The following IRF1 variants were observed in gnomAD, a reference collection of about 807,000 sequenced individuals.
The protein encoded by IRF1 is interferon regulatory factor-1.
In IRF1, 13 loss-of-function variants were observed where a neutral mutation model predicts 43.7. The ratio of observed to expected loss-of-function variants is 0.30; its 90% confidence interval spans 0.19 to 0.47. IRF1 has a LOEUF of 0.47. IRF1 is among the 20% of genes least tolerant of loss of function. The pLI, the probability that IRF1 is intolerant of heterozygous loss-of-function variation, is 0.99. For missense variants in IRF1, 236 were observed against 408.9 expected (o/e 0.58, Z 3.65); for synonymous variants, 138 against 146.8 (o/e 0.94, Z 0.43).
Position 132,487,951 on chromosome 5 carries a change from C to T in IRF1, c.162G>A (p.Leu54=). The change falls in exon 3 of 10, where the codon TTG becomes TTA. Residue 54 remains leucine, a synonymous_variant. Transcript: ENST00000245414. ...CTGTGTGAATGGCCCAGCTCCGGAA[C>T]AAACAGGCATCCTTGTTGATGTCCC... ...HGWDINKDAC[L]FRSWAIHTGR... 1 of 1,613,608 alleles carries T rather than the reference C, an allele frequency of 6.2e-7. No homozygotes were observed.
rs1580935223 is a variant in IRF1 at position 132,482,670 on chromosome 5, T to C, written c.*1281A>G. On this transcript the variant is annotated 3_prime_UTR_variant, in exon 10 of 10. Transcript: ENST00000245414. Reference sequence around the variant, plus strand: ...TGCCCGGCCAAATGAAAGGTTTTTTTTTTTTTTTTTTTTTTTGGTGCCCGG... The same window carrying C: ...TGCCCGGCCAAATGAAAGGTTTTTTCTTTTTTTTTTTTTTTTGGTGCCCGG... 6.9e-6 allele frequency: 1 copy of C among 145,882 alleles called. No individual in the cohort carries two copies. Among genetic ancestry groups the C allele is most frequent in the Admixed American group, 6.9e-5 (1 of 14,598 alleles). The allele number at this position is 145,882 out of a possible 1,614,324, so 9.0% of individuals were successfully genotyped here. A position where few individuals can be genotyped will look rare whatever the true frequency, so the allele number is the denominator to read the frequency against.
rs1441186993 is a variant in IRF1, at chr5:132,486,008, C to A, written c.667+243G>T. On this transcript the variant is annotated intron_variant, in intron 7 of 9. Coordinates refer to ENST00000245414, the MANE Select transcript of IRF1 (RefSeq NM_002198.3). ...TACAGAGGAGGAAGGAGAACCAGCA[C>A]CCCAAAATGCAGCCCCTGGCCCCCT... 10 of 607,610 alleles carry A rather than the reference C, an allele frequency of 1.6e-5. No homozygotes were observed. In the African/African-American group the frequency reaches 1.9e-4, roughly 11 times the overall value. The allele number at this position is 607,610 out of a possible 1,614,324, so 37.6% of individuals were successfully genotyped here.
chr5:132,485,420 C>T (rs534117869), intron 8 of IRF1: 145 of 543,330 alleles, frequency 2.7e-4, no homozygotes, highest in Non-Finnish European at 4.1e-4. Flanking sequence ...GCCTGACTCA[C>T]AGAGCTGTCT....
intron 2 of IRF1, chr5:132,488,284 A>G (rs1754597613): frequency 2.2e-6 from 1 of 449,650 alleles, no homozygotes; most frequent in East Asian, 4.3e-5. Context: ...CCTGTTACAC[A>G]TGTGCTAGGA....
At chr5:132,486,128 TG>T in intron 7 of IRF1, 122 bp downstream of exon 7, 2 of 1,360,162 alleles carry the variant, frequency 1.5e-6, no homozygotes, top group Non-Finnish European at 2.0e-6. Context: ...TGGCTAAGAC[TG>T]GGCAATGCCC....
At chr5:132,486,759 G>C (rs1192946575) in intron 5 of IRF1, 36 bp downstream of exon 5, 1 of 1,614,108 alleles carries the variant, frequency 6.2e-7, no homozygotes, top group African/African-American at 1.3e-5. Flanking sequence ...TGGCCCACAG[G>C]TGACCAAAGG....
At chr5:132,489,778 C>G in intron 1 of IRF1, 1 of 303,954 alleles carries the variant, frequency 3.3e-6, no homozygotes, top group South Asian at 5.9e-5. Context: ...ACAAAATGCA[C>G]AGATACCCTA....
chr5:132,486,550 A>G lies in IRF1; in HGVS notation c.544+7T>C, dbSNP rs1176645503. The G allele has an allele frequency of 5.0e-6, 8 of 1,613,880 alleles. No homozygotes were observed. The highest frequency in any genetic ancestry group is 6.8e-6 in the Non-Finnish European group (8 of 1,179,966). On this transcript the variant is annotated splice_region_variant and intron_variant, in intron 6 of 9. Transcript: ENST00000245414. Reference sequence around the variant, plus strand: ...TGGGGTCTCCTGCCAGACCTGGACCAGCTCACCTGGAGTCAGGGCCTGCTC... The same window carrying G: ...TGGGGTCTCCTGCCAGACCTGGACCGGCTCACCTGGAGTCAGGGCCTGCTC...
At position 132,485,849 on chromosome 5, in the gene IRF1, A is replaced by ACACACACACACACACAC. The variant is rs111906639; in HGVS notation, c.668-134_668-133insGTGTGTGTGTGTGTGTG. On this transcript the variant is annotated intron_variant, in intron 7 of 9. Transcript: ENST00000245414. ...CTCTGACACACACACACACACACACACCCTCCCGGTGGACCTATCTGCCAT... is the reference window on the plus strand; with the variant it reads ...CTCTGACACACACACACACACACACACACACACACACACACACCCCTCCCGGTGGACCTATCTGCCAT... 5.4e-4 allele frequency: 363 copies of ACACACACACACACACAC among 669,836 alleles called. 5 individuals carry two copies. Among genetic ancestry groups the ACACACACACACACACAC allele is most frequent in the African/African-American group, 3.4e-3 (186 of 54,670 alleles). 41.5% of individuals were successfully genotyped at this position (669,836 alleles called of 1,614,324 possible).
Position 132,485,870 on chromosome 5 carries a change from G to A in IRF1, c.668-154C>T, listed in dbSNP as rs142423590. 1,477 of 621,484 alleles carry A rather than the reference G, an allele frequency of 2.4e-3. 15 individuals carry two copies. The African/African-American group carries it at 0.032, about 13-fold the overall frequency. 38.5% of individuals were successfully genotyped at this position (621,484 alleles called of 1,614,324 possible). A position where few individuals can be genotyped will look rare whatever the true frequency, so the allele number is the denominator to read the frequency against. On this transcript the variant is annotated intron_variant, in intron 7 of 9. Coordinates refer to ENST00000245414, the MANE Select transcript of IRF1 (RefSeq NM_002198.3). ...ACACACCCTCCCGGTGGACCTATCT[G>A]CCATAGAGATTCCAGAACAGGACCC...
At chr5:132,486,030 C>A in intron 7 of IRF1, 1 of 636,648 alleles carries the variant, frequency 1.6e-6, no homozygotes, top group East Asian at 2.7e-5. Flanking sequence ...GCCCCTGGCC[C>A]CCTTCCCTCC....
At chr5:132,489,062 G>A (rs1035106054) in intron 2 of IRF1, 3 of 232,858 alleles carry the variant, frequency 1.3e-5, no homozygotes, top group African/African-American at 2.2e-5. Context: ...CTATTTGTTC[G>A]ATTGGAGCCC....
chr5:132,483,940 C>T lies in IRF1; in HGVS notation c.*11G>A. The T allele has an allele frequency of 6.2e-7, 1 of 1,612,574 alleles. No homozygotes were observed. The highest frequency in any genetic ancestry group is 2.0e-4 in the Middle Eastern group (1 of 5,106). On this transcript the variant is annotated 3_prime_UTR_variant, in exon 10 of 10. Transcript: ENST00000245414. Reference sequence around the variant, plus strand: ...CTTGCCTAGAGGAATAAGAGGGGCCCAGGGGCCCTGCTACGGTGCACAGGG... The same window carrying T: ...CTTGCCTAGAGGAATAAGAGGGGCCTAGGGGCCCTGCTACGGTGCACAGGG...
intron 3 of IRF1, chr5:132,487,442 T>A: frequency 5.0e-6 from 2 of 401,910 alleles, no homozygotes; most frequent in Non-Finnish European, 9.3e-6. Context: ...CCTTGGGCTA[T>A]CAGCAGCCAG....
chr5:132,484,208 C>A, intron 9 of IRF1, 133 bp from the exon 10 acceptor site: 1 of 1,456,736 alleles, frequency 6.9e-7, no homozygotes. Context: ...CAGCTTCAGG[C>A]AAACCTTAAG....
intron 2 of IRF1, 115 bp from the exon 3 acceptor site, chr5:132,488,140 C>T (rs902885427): frequency 3.2e-5 from 23 of 722,494 alleles, no homozygotes; most frequent in Middle Eastern, 2.4e-4. Flanking sequence ...AGGCTGACTT[C>T]CCCTTTTTTC....
At chr5:132,489,522 T>C (rs1284112411) in intron 1 of IRF1, 39 bp from the exon 2 acceptor site, 1 of 1,555,644 alleles carries the variant, frequency 6.4e-7, no homozygotes, top group Admixed American at 1.7e-5. Flanking sequence ...TGGAATCTGT[T>C]GAACAGTACC....
At chr5:132,486,148 C>A in intron 7 of IRF1, 103 bp downstream of exon 7, 1 of 1,482,158 alleles carries the variant, frequency 6.7e-7, no homozygotes, top group South Asian at 1.2e-5. Flanking sequence ...CCAACTCAAT[C>A]AATTCAGTGC....
At chr5:132,484,157 C>CT in intron 9 of IRF1, 82 bp from the exon 10 acceptor site, 1 of 1,535,908 alleles carries the variant, frequency 6.5e-7, no homozygotes, top group Non-Finnish European at 8.9e-7. Flanking sequence ...AGGCCATAGA[C>CT]ATGGCCTCTG....
Sources: gnomAD v4.1 joint callset for allele counts on GRCh38, gnomAD v4.1.1 for gene constraint, MANE v1.5 for transcripts, NCBI Gene and HGNC (gene_info 2026-07-23, HGNC 2026-07-21) for gene names.